The following CDC42BPA variants were observed in gnomAD, a reference collection of about 807,000 sequenced individuals.
CDC42BPA encodes CDC42 binding protein kinase alpha.
CDC42BPA carries 80 observed loss-of-function variants against 223.5 expected under a neutral mutation model. The observed-to-expected ratio is 0.36, with a 90% CI of 0.30 to 0.43. The LOEUF (loss-of-function observed/expected upper bound fraction) is 0.43. Among genes scored for constraint, CDC42BPA ranks in the 20% least tolerant of loss-of-function variants. CDC42BPA has a pLI of 1.00. For missense variants in CDC42BPA, 1,743 were observed against 2,099.9 expected, an observed-to-expected ratio of 0.83 and a Z score of 3.32; for synonymous variants, 694 against 718.6, an observed-to-expected ratio of 0.97 and a Z score of 0.55.
chr1:227,245,503 C>T (rs1407030163), intron 2 of CDC42BPA, among the ~76,000 whole-genome samples: 1 of 152,076 alleles, frequency 6.6e-6, no homozygotes, highest in East Asian at 1.9e-4. Context: ...GTTGGCCAGG[C>T]TGGTCTCAAA....
intron 2 of CDC42BPA, among the ~76,000 whole-genome samples, chr1:227,253,317 G>A (rs1682431621): frequency 6.6e-6 from 1 of 152,132 alleles, no homozygotes; most frequent in Admixed American, 6.5e-5. Context: ...AGTCGAAATT[G>A]AAAAACTGAT....
chr1:227,240,951 A>G (rs551852457), intron 2 of CDC42BPA, among the ~76,000 whole-genome samples: 24 of 152,164 alleles, frequency 1.6e-4, no homozygotes, highest in Middle Eastern at 3.4e-3. Flanking sequence ...AACAAACCAC[A>G]CAGTCTGAGA....
chr1:227,286,595 T>TGGAAACG (rs1688846649), intron 1 of CDC42BPA, among the ~76,000 whole-genome samples: 8 of 152,214 alleles, frequency 5.3e-5, no homozygotes. Flanking sequence ...CGTTATCCAG[T>TGGAAACG]TCCAAAGCCA....
intron 5 of CDC42BPA, among the ~76,000 whole-genome samples, chr1:227,167,602 G>T (rs894564688): frequency 6.6e-6 from 1 of 151,966 alleles, no homozygotes; most frequent in African/African-American, 2.4e-5. Context: ...GCAGCTCTCT[G>T]CTCTCCTTTG....
At chr1:227,003,423 A>G (rs1315540686) in intron 35 of CDC42BPA, among the ~76,000 whole-genome samples, 1 of 152,206 alleles carries the variant, frequency 6.6e-6, no homozygotes, top group Non-Finnish European at 1.5e-5. Flanking sequence ...CACTTGAGAA[A>G]GTTACAGAAA....
At chr1:227,276,679 T>C (rs367979091) in intron 1 of CDC42BPA, among the ~76,000 whole-genome samples, 10 of 152,336 alleles carry the variant, frequency 6.6e-5, no homozygotes, top group East Asian at 5.8e-4. Flanking sequence ...ATTGTTGCTG[T>C]GTCTGTGTAG....
intron 2 of CDC42BPA, among the ~76,000 whole-genome samples, chr1:227,230,260 G>C (rs1168556794): frequency 6.6e-6 from 1 of 152,188 alleles, no homozygotes; most frequent in African/African-American, 2.4e-5. Context: ...TTATACTTTA[G>C]TCAAGGTTTT....
chr1:227,133,462 G>A (rs1192962507), intron 10 of CDC42BPA, among the ~76,000 whole-genome samples: 1 of 152,242 alleles, frequency 6.6e-6, no homozygotes, highest in Non-Finnish European at 1.5e-5. Context: ...TCTGGGAGGT[G>A]TACCCAACAG....
At chr1:227,128,829 C>T (rs1042962854) in intron 11 of CDC42BPA, among the ~76,000 whole-genome samples, 3 of 152,126 alleles carry the variant, frequency 2.0e-5, no homozygotes, top group Admixed American at 6.5e-5. Context: ...TCCTTGTTCA[C>T]GTAAGTCTGT....
intron 1 of CDC42BPA, among the ~76,000 whole-genome samples, chr1:227,303,683 C>G (rs1692062347): frequency 6.6e-6 from 1 of 152,208 alleles, no homozygotes; most frequent in Admixed American, 6.5e-5. Flanking sequence ...TCAGCTTTCA[C>G]CACTGCTAAT....
intron 16 of CDC42BPA, among the ~76,000 whole-genome samples, chr1:227,086,231 T>C (rs184511161): frequency 8.5e-4 from 130 of 152,366 alleles, no homozygotes; most frequent in South Asian, 5.6e-3. Flanking sequence ...TCATGCACCA[T>C]TGATAAACAT....
intron 1 of CDC42BPA, among the ~76,000 whole-genome samples, chr1:227,286,597 C>G (rs1688847097): frequency 5.3e-5 from 8 of 152,182 alleles, no homozygotes. Context: ...TTATCCAGTT[C>G]CAAAGCCACT....
chr1:226,997,700 C>T (rs1273406177), intron 35 of CDC42BPA, among the ~76,000 whole-genome samples: 2 of 152,120 alleles, frequency 1.3e-5, no homozygotes, highest in East Asian at 3.8e-4. Flanking sequence ...GCCTTCATTT[C>T]GTTATTTACC....
At chr1:227,167,736 C>T (rs1572099628) in intron 5 of CDC42BPA, among the ~76,000 whole-genome samples, 1 of 152,214 alleles carries the variant, frequency 6.6e-6, no homozygotes, top group East Asian at 1.9e-4. Flanking sequence ...TTTAAGCAGT[C>T]ATATGGTTTG....
chr1:227,255,326 TAC>T (rs1261652050), intron 1 of CDC42BPA, among the ~76,000 whole-genome samples: 2 of 152,202 alleles, frequency 1.3e-5, no homozygotes, highest in Non-Finnish European at 2.9e-5. Flanking sequence ...AGATAGGTCA[TAC>T]AGTTTGCTCT....
chr1:227,034,433 T>C (rs1213222051), intron 26 of CDC42BPA, among the ~76,000 whole-genome samples: 1 of 152,194 alleles, frequency 6.6e-6, no homozygotes, highest in Non-Finnish European at 1.5e-5. Flanking sequence ...CAACTTCTTT[T>C]TCCTTAACTC....
At chr1:227,052,566 A>C (rs1572502065) in intron 21 of CDC42BPA, among the ~76,000 whole-genome samples, 2 of 152,196 alleles carry the variant, frequency 1.3e-5, no homozygotes, top group East Asian at 3.8e-4. Flanking sequence ...TTTGGGTTAA[A>C]ATTTAGCATA....
intron 15 of CDC42BPA, among the ~76,000 whole-genome samples, chr1:227,097,591 C>G (rs767844891): frequency 2.6e-5 from 4 of 152,108 alleles, no homozygotes; most frequent in African/African-American, 7.2e-5. Flanking sequence ...GGCAGTCTAC[C>G]ACTAGATAGA....
At chr1:227,163,469 A>G (rs1345198552) in intron 5 of CDC42BPA, among the ~76,000 whole-genome samples, 1 of 150,980 alleles carries the variant, frequency 6.6e-6, no homozygotes, top group Non-Finnish European at 1.5e-5. Flanking sequence ...AGATATGGAC[A>G]TCTTCAACTG....
Sources: gnomAD v4.1 joint callset for allele counts (sites outside exome capture counted in the v4.1 genomes callset) on GRCh38, gnomAD v4.1.1 for gene constraint, MANE v1.5 for transcripts, NCBI Gene and HGNC (gene_info 2026-07-23, HGNC 2026-07-21) for gene names.